SCTR: variants seen among roughly 807,000 people sequenced by gnomAD.
SCTR encodes the protein secretin receptor.
SCTR carries 56 observed loss-of-function variants against 60.8 expected under a neutral mutation model. That is an observed-to-expected ratio of 0.92 (90% CI 0.74 to 1.15). SCTR has a LOEUF of 1.15. Among genes scored for constraint, SCTR ranks in the 50% most tolerant of loss-of-function variants. The probability of loss-of-function intolerance (pLI) is 0.00; values close to 1 mark genes in which losing one functional copy is unlikely to be tolerated. For synonymous variants in SCTR, 202 were observed against 217.0 expected (o/e 0.93, Z 0.61); for missense variants, 562 against 550.4 (o/e 1.02, Z -0.21).
chr2:119,523,433 ATTATT>A (rs956385547), intron 1 of SCTR, among the ~76,000 whole-genome samples: 3 of 145,936 alleles, frequency 2.1e-5, no homozygotes, highest in African/African-American at 7.6e-5. Context: ...TATTATTATT[ATTATT>A]ATTTTCCTCC....
chr2:119,443,737 G>A (rs78161580), intron 11 of SCTR, among the ~76,000 whole-genome samples: 3,245 of 152,254 alleles, frequency 0.021, 122 homozygotes, highest in African/African-American at 0.074. Flanking sequence ...AGTAGAGACA[G>A]GCTTTCATCA....
chr2:119,479,408 A>C, intron 2 of SCTR: 1 of 299,884 alleles, frequency 3.3e-6, no homozygotes, highest in Non-Finnish European at 4.9e-6. Flanking sequence ...TGTCCTTTGA[A>C]AGCCTTACAG....
chr2:119,456,352 G>T (rs1683376473), intron 7 of SCTR, among the ~76,000 whole-genome samples: 1 of 152,078 alleles, frequency 6.6e-6, no homozygotes, highest in Non-Finnish European at 1.5e-5. Context: ...GAGCCACTGT[G>T]CCTGGACTTC....
At chr2:119,480,942 C>G (rs1471237872) in intron 2 of SCTR, 1 of 152,596 alleles carries the variant, frequency 6.6e-6, no homozygotes, top group African/African-American at 2.4e-5. Flanking sequence ...CCTCCCCCAC[C>G]TTGCCAGCTG....
At chr2:119,496,313 G>A (rs1203434120) in intron 1 of SCTR, among the ~76,000 whole-genome samples, 1 of 152,232 alleles carries the variant, frequency 6.6e-6, no homozygotes, top group Admixed American at 6.5e-5. Flanking sequence ...AGTAATTTAA[G>A]GAATTGTAGA....
intron 2 of SCTR, among the ~76,000 whole-genome samples, chr2:119,491,360 A>G (rs542726411): frequency 1.2e-4 from 19 of 152,258 alleles, no homozygotes; most frequent in Admixed American, 1.2e-3. Context: ...AGCAACCACC[A>G]GTCAGGCTCC....
intron 1 of SCTR, among the ~76,000 whole-genome samples, chr2:119,508,202 G>C (rs764428749): frequency 6.6e-6 from 1 of 152,046 alleles, no homozygotes; most frequent in East Asian, 1.9e-4. Context: ...TCTACGTGTG[G>C]ATATTGCGGT....
intron 4 of SCTR, among the ~76,000 whole-genome samples, chr2:119,466,833 C>A (rs1683854227): frequency 6.6e-6 from 1 of 152,142 alleles, no homozygotes; most frequent in Admixed American, 6.5e-5. Flanking sequence ...AATCCTTCAA[C>A]CTTTAGTTAA....
At chr2:119,445,292 G>A (rs1159429420) in intron 11 of SCTR, among the ~76,000 whole-genome samples, 1 of 152,152 alleles carries the variant, frequency 6.6e-6, no homozygotes, top group Non-Finnish European at 1.5e-5. Flanking sequence ...CAGCCTCCCT[G>A]GACGTTACAA....
chr2:119,451,975 A>G, intron 9 of SCTR, 35 bp downstream of exon 9: 2 of 1,372,232 alleles, frequency 1.5e-6, no homozygotes, highest in Non-Finnish European at 1.0e-6. Context: ...CGTCTCTCCC[A>G]CTGATCCCCA....
intron 12 of SCTR, 69 bp from the exon 13 acceptor site, chr2:119,440,326 C>G (rs1377522733): frequency 4.5e-6 from 7 of 1,538,874 alleles, no homozygotes; most frequent in Non-Finnish European, 6.2e-6. Flanking sequence ...TGCTCACTCC[C>G]CCAGTGACTC....
chr2:119,449,126 A>G (rs1683045190), intron 9 of SCTR, among the ~76,000 whole-genome samples: 1 of 152,234 alleles, frequency 6.6e-6, no homozygotes, highest in South Asian at 2.1e-4. Flanking sequence ...CTGCATTTCT[A>G]ACAAGCTCCC....
chr2:119,450,090 T>TAAAG (rs1683100656), intron 9 of SCTR, among the ~76,000 whole-genome samples: 1 of 117,852 alleles, frequency 8.5e-6, no homozygotes, highest in African/African-American at 3.4e-5. Context: ...AATAAATAAA[T>TAAAG]AAATAAATAA....
intron 4 of SCTR, among the ~76,000 whole-genome samples, chr2:119,472,189 C>T (rs1424198216): frequency 2.6e-5 from 4 of 152,224 alleles, no homozygotes; most frequent in African/African-American, 7.2e-5. Flanking sequence ...AGGTGGCACA[C>T]GCTGATCATT....
rs146760367 is a variant in SCTR at position 119,453,244 on chromosome 2, C to T, written c.851+43G>A. Reference sequence around the variant, plus strand: ...TAACTATGCTGTTTGAAAAGCTGGACGATGTCAGATACATTCTTGTTATCC... The same window carrying T: ...TAACTATGCTGTTTGAAAAGCTGGATGATGTCAGATACATTCTTGTTATCC... On this transcript the variant is annotated intron_variant, in intron 8 of 12. Coordinates refer to ENST00000019103, the MANE Select transcript of SCTR (RefSeq NM_002980.3). 2.7e-5 allele frequency: 38 copies of T among 1,429,594 alleles called. No individual in the cohort carries two copies. The African/African-American group carries it at 4.1e-4, about 15-fold the overall frequency. 88.6% of individuals were successfully genotyped at this position (1,429,594 alleles called of 1,614,324 possible).
intron 2 of SCTR, among the ~76,000 whole-genome samples, chr2:119,491,956 C>T (rs1384176422): frequency 6.6e-6 from 1 of 152,214 alleles, no homozygotes; most frequent in Admixed American, 6.5e-5. Context: ...CAGCTATAAA[C>T]TCAACCTGCA....
intron 1 of SCTR, among the ~76,000 whole-genome samples, chr2:119,498,841 T>A (rs1373785988): frequency 6.6e-6 from 1 of 151,712 alleles, no homozygotes; most frequent in African/African-American, 2.4e-5. Context: ...AGAACAAATA[T>A]AAAACAAAAA....
chr2:119,491,884 C>G (rs982752859), intron 2 of SCTR, among the ~76,000 whole-genome samples: 5 of 152,252 alleles, frequency 3.3e-5, no homozygotes, highest in African/African-American at 4.8e-5. Flanking sequence ...AGGCTGCCCA[C>G]TGCCATCCTT....
rs922027431 is a variant in SCTR, at chr2:119,488,808, G to A, written c.193+5620C>T. ...CACTTATTCTCCACAACAGCGTCATGAAGTTGATCAGATTATTTTCCCCAC... is the reference window on the plus strand; with the variant it reads ...CACTTATTCTCCACAACAGCGTCATAAAGTTGATCAGATTATTTTCCCCAC... On this transcript the variant is annotated intron_variant, in intron 2 of 12. Transcript: ENST00000019103. Among the ~76,000 whole-genome samples the A allele has an allele frequency of 3.0e-4, 45 of 152,220 alleles. 1 individual carries two copies. The highest frequency in any genetic ancestry group is 5.4e-4 in the Non-Finnish European group (37 of 68,040).
Sources: allele counts gnomAD v4.1 joint callset (sites outside exome capture counted in the v4.1 genomes callset), GRCh38; gene constraint gnomAD v4.1.1; transcripts MANE v1.5; gene names NCBI Gene and HGNC (gene_info 2026-07-23, HGNC 2026-07-21).